The following PCDHA8 variants were observed in gnomAD, a reference collection of about 807,000 sequenced individuals.
PCDHA8 encodes protocadherin alpha-8.
A neutral mutation model predicts 61.8 loss-of-function variants in PCDHA8; 53 were observed. The ratio of observed to expected loss-of-function variants is 0.86; its 90% CI spans 0.69 to 1.08. The LOEUF is 1.08. Among genes scored for constraint, PCDHA8 ranks in the 50% least tolerant of loss-of-function variants. The pLI is 0.00. For synonymous variants in PCDHA8, 618 were observed against 556.6 expected (o/e 1.11, Z -1.55); for missense variants, 1,293 against 1,245.0 (o/e 1.04, Z -0.58).
intron 1 of PCDHA8, chr5:140,849,708 T>C (rs2150445968): frequency 6.3e-7 from 1 of 1,598,586 alleles, no homozygotes; most frequent in East Asian, 2.2e-5. Flanking sequence ...CAAGAATTAC[T>C]ACTCGTTGGT....
intron 2 of PCDHA8, chr5:140,982,271 G>A: frequency 1.1e-6 from 1 of 930,566 alleles, no homozygotes; most frequent in South Asian, 1.9e-5. Flanking sequence ...TCCTGGAATA[G>A]TATAGCAGGC....
At chr5:140,863,008 T>A (rs782045594) in intron 1 of PCDHA8, 1 of 551,826 alleles carries the variant, frequency 1.8e-6, no homozygotes, top group Non-Finnish European at 3.6e-6. Context: ...ACTCCAGCTA[T>A]GACGCCTGGT....
At chr5:140,877,189 G>T (rs370743077) in intron 1 of PCDHA8, 3 of 1,613,808 alleles carry the variant, frequency 1.9e-6, no homozygotes, top group Admixed American at 1.7e-5. Context: ...GGCTGGCAGC[G>T]CAGGAGGCGC....
chr5:140,848,601 C>T (rs2150414189), intron 1 of PCDHA8: 4 of 1,593,618 alleles, frequency 2.5e-6, no homozygotes, highest in Admixed American at 3.4e-5. Context: ...CTACTCCGTC[C>T]CGGAGGAAGC....
At chr5:140,857,375 G>A (rs1554149916) in intron 1 of PCDHA8, 2 of 1,598,360 alleles carry the variant, frequency 1.3e-6, no homozygotes, top group Non-Finnish European at 1.7e-6. Context: ...CGTGTCTGTG[G>A]AGGTGGCCGA....
chr5:140,929,557 A>G (rs782792383), intron 1 of PCDHA8: 64 of 478,142 alleles, frequency 1.3e-4, no homozygotes, highest in Non-Finnish European at 1.9e-4. Flanking sequence ...ATTAAAACCT[A>G]TTTAAGAACA....
chr5:140,848,600 C>T lies in PCDHA8; in HGVS notation c.2394+4885C>T, dbSNP rs2150414065. On this transcript the variant is annotated intron_variant, in intron 1 of 3. Coordinates refer to ENST00000531613, the MANE Select transcript of PCDHA8 (RefSeq NM_018911.3). ...GGAGCGGCCAGCTCCACTACTCCGT[C>T]CCGGAGGAAGCCGAACACGGCACCT... 7 of 1,593,634 alleles carry T rather than the reference C, an allele frequency of 4.4e-6. No homozygotes were observed. The African/African-American group carries it at 8.1e-5, about 18-fold the overall frequency.
At chr5:141,007,638 T>G (rs1393056593) in intron 3 of PCDHA8, among the ~76,000 whole-genome samples, 7 of 152,128 alleles carry the variant, frequency 4.6e-5, no homozygotes, top group African/African-American at 1.7e-4. Context: ...GCCCTCCCTG[T>G]ATTTGCCTAA....
intron 1 of PCDHA8, among the ~76,000 whole-genome samples, chr5:140,915,425 A>T (rs2077115235): frequency 6.6e-6 from 1 of 152,056 alleles, no homozygotes; most frequent in African/African-American, 2.4e-5. Flanking sequence ...GGGCTTGTTT[A>T]TCCCTGTCCT....
chr5:140,970,373 C>T (rs1554232421), intron 1 of PCDHA8, among the ~76,000 whole-genome samples: 2 of 152,250 alleles, frequency 1.3e-5, no homozygotes, highest in East Asian at 1.9e-4. Context: ...GCTATAGCTT[C>T]AAAAGGCTGG....
chr5:140,928,068 CA>C, intron 1 of PCDHA8: 1 of 1,614,214 alleles, frequency 6.2e-7, no homozygotes, highest in South Asian at 1.1e-5. Context: ...CTTCCTTTGA[CA>C]ACTACTACAG....
At position 141,010,146 on chromosome 5, in the gene PCDHA8, C is replaced by A. The variant is rs782795358; in HGVS notation, c.*209C>A. 1 of 1,584,410 alleles carries A rather than the reference C, an allele frequency of 6.3e-7. No individual in the cohort carries two copies. Among genetic ancestry groups the A allele is most frequent in the Non-Finnish European group, 8.6e-7 (1 of 1,164,258 alleles). The stretch of plus-strand genomic sequence containing the variant: ...TAAGTCTGGTGTTAACTCTTTCTCT[C>A]CACTCTGGCTTGTTTTCAGAACCTA... On this transcript the variant is annotated 3_prime_UTR_variant, in exon 4 of 4. Transcript: ENST00000531613.
chr5:140,900,496 C>G (rs1476220010), intron 1 of PCDHA8, among the ~76,000 whole-genome samples: 2 of 152,212 alleles, frequency 1.3e-5, no homozygotes, highest in Admixed American at 6.5e-5. Flanking sequence ...AGACTGGTCT[C>G]AAATTCCCAG....
chr5:140,939,488 T>C (rs1554212750), intron 1 of PCDHA8, among the ~76,000 whole-genome samples: 1 of 151,188 alleles, frequency 6.6e-6, no homozygotes, highest in Non-Finnish European at 1.5e-5. Flanking sequence ...AGAATGTTAA[T>C]TATAAATTCA....
At chr5:140,902,313 C>T (rs2069368502) in intron 1 of PCDHA8, among the ~76,000 whole-genome samples, 1 of 150,820 alleles carries the variant, frequency 6.6e-6, no homozygotes, top group African/African-American at 2.4e-5. Context: ...GCTGGGATTA[C>T]AGGTGTAACT....
At chr5:140,868,066 G>A (rs2050262102) in intron 1 of PCDHA8, 1 of 151,806 alleles carries the variant, frequency 6.6e-6, no homozygotes. Context: ...AGATGTTCAG[G>A]GTGATTTTAT....
At chr5:140,891,218 A>G (rs1554184722) in intron 1 of PCDHA8, among the ~76,000 whole-genome samples, 1 of 152,044 alleles carries the variant, frequency 6.6e-6, no homozygotes, top group African/African-American at 2.4e-5. Flanking sequence ...CTGTGTCTTT[A>G]TAATCATCCT....
chr5:141,010,432 CAA>C lies in PCDHA8; in HGVS notation c.*497_*498del. The C allele has an allele frequency of 8.5e-6, 9 of 1,056,970 alleles. No individual in the cohort carries two copies. The highest frequency in any genetic ancestry group is 1.2e-5 in the Non-Finnish European group (9 of 756,282). 65.5% of individuals were successfully genotyped at this position (1,056,970 alleles called of 1,614,324 possible). A position where few individuals can be genotyped will look rare whatever the true frequency, so the allele number is the denominator to read the frequency against. On this transcript the variant is annotated 3_prime_UTR_variant, in exon 4 of 4. Coordinates refer to ENST00000531613, the MANE Select transcript of PCDHA8 (RefSeq NM_018911.3). Reference sequence around the variant, plus strand: ...AATTGGTACAAGGAAGGCAAGAAAACAAAGACAAATAAACAGCGGAAGTTATC... The same window carrying C: ...AATTGGTACAAGGAAGGCAAGAAAACAGACAAATAAACAGCGGAAGTTATC...
intron 1 of PCDHA8, chr5:140,870,128 C>T: frequency 6.2e-7 from 1 of 1,613,948 alleles, no homozygotes; most frequent in Non-Finnish European, 8.5e-7. Flanking sequence ...ATCTTGGACA[C>T]CAACGATAAC....
Sources: allele counts gnomAD v4.1 joint callset (sites outside exome capture counted in the v4.1 genomes callset), GRCh38; gene constraint gnomAD v4.1.1; transcripts MANE v1.5; gene names NCBI Gene and HGNC (gene_info 2026-07-23, HGNC 2026-07-21).